Variants in CAMSAP2 observed in about 807,000 individuals in gnomAD.
CAMSAP2 encodes the protein calmodulin regulated spectrin associated protein family member 2.
Under a neutral mutation model 146.1 loss-of-function variants are expected in CAMSAP2, and 26 were observed. The ratio of observed to expected loss-of-function variants is 0.18; its 90% CI spans 0.13 to 0.25. CAMSAP2 has a LOEUF of 0.25. CAMSAP2 is among the 10% of genes least tolerant of loss of function. The probability of loss-of-function intolerance (pLI) is 1.00; values close to 1 mark genes in which losing one functional copy is unlikely to be tolerated. For synonymous variants in CAMSAP2, 499 were observed against 596.6 expected (o/e 0.84, Z 2.38); for missense variants, 1,381 against 1,759.3 (o/e 0.78, Z 3.85).
intron 1 of CAMSAP2, among the ~76,000 whole-genome samples, chr1:200,756,726 A>G (rs908046786): frequency 1.3e-5 from 2 of 152,210 alleles, no homozygotes; most frequent in Non-Finnish European, 2.9e-5. Flanking sequence ...CAGGTAGTAA[A>G]CTTGAGGGGG....
chr1:200,824,544 C>G (rs1429799955), intron 4 of CAMSAP2, among the ~76,000 whole-genome samples: 3 of 152,190 alleles, frequency 2.0e-5, no homozygotes, highest in Admixed American at 2.0e-4. Flanking sequence ...TTCTTCCTGG[C>G]TTCCCCTATT....
In CAMSAP2 at chr1:200,856,705, C is replaced by T. The variant is rs546993237; in HGVS notation, c.4012+580C>T. Among the ~76,000 whole-genome samples the T allele has an allele frequency of 3.3e-5, 5 of 152,170 alleles. No homozygotes were observed. The East Asian group carries it at 9.7e-4, about 29-fold the overall frequency. ...GGTAAGATAGGAAGGCATGGGAGAA[C>T]ATGTATGGGGAAGAGCAGAGGGAAA... On this transcript the variant is annotated intron_variant, in intron 15 of 16. Coordinates refer to ENST00000358823, the MANE Select transcript of CAMSAP2 (RefSeq NM_203459.4).
chr1:200,758,572 G>A (rs1205253717), intron 1 of CAMSAP2, among the ~76,000 whole-genome samples: 1 of 152,184 alleles, frequency 6.6e-6, no homozygotes, highest in Non-Finnish European at 1.5e-5. Flanking sequence ...ATTTTTAGAT[G>A]TCACCAAAAT....
At chr1:200,752,775 C>G (rs1475378715) in intron 1 of CAMSAP2, among the ~76,000 whole-genome samples, 5 of 152,026 alleles carry the variant, frequency 3.3e-5, no homozygotes, top group Non-Finnish European at 7.4e-5. Context: ...CGCCACCACG[C>G]ACGGCTAATT....
intron 2 of CAMSAP2, among the ~76,000 whole-genome samples, chr1:200,776,650 G>A (rs183765592): frequency 9.4e-4 from 143 of 152,226 alleles, no homozygotes; most frequent in African/African-American, 3.3e-3. Flanking sequence ...CTTGAACCTG[G>A]GAGGTGGAGG....
At chr1:200,760,803 A>G (rs755554779) in intron 1 of CAMSAP2, 36 bp from the exon 2 acceptor site, 1 of 1,454,946 alleles carries the variant, frequency 6.9e-7, no homozygotes, top group African/African-American at 1.4e-5. Flanking sequence ...TTTTATAAAA[A>G]TCTTGTAAGA....
rs560383427 is a variant in CAMSAP2, at chr1:200,784,586, T to C, written c.400-22790T>C. Among the ~76,000 whole-genome samples the C allele has an allele frequency of 8.5e-4, 130 of 152,328 alleles. 1 individual carries two copies. In the South Asian group the frequency reaches 0.011, roughly 13 times the overall value. ...GCTAATATATAGAAATACAATTGAA[T>C]TTTGAACATTTTTTTTATCCTGTGA... is the stretch of plus-strand genomic sequence containing the variant. On this transcript the variant is annotated intron_variant, in intron 2 of 16. Coordinates refer to ENST00000358823, the MANE Select transcript of CAMSAP2 (RefSeq NM_203459.4).
At chr1:200,806,765 GTATCTA>G (rs1332177122) in intron 2 of CAMSAP2, among the ~76,000 whole-genome samples, 2,022 of 140,188 alleles carry the variant, frequency 0.014, 35 homozygotes, top group East Asian at 0.052. Context: ...GTGTGTGTGT[GTATCTA>G]TCTATCTATC....
rs1246489086 is a variant in CAMSAP2 at position 200,848,196 on chromosome 1, C to A, written c.1427C>A (p.Pro476Gln). The stretch of plus-strand genomic sequence containing the variant: ...ATTAGGAAAAATTTGTCCTTCAAGC[C>A]AATAAATGGAGAAGAGGAAGCAGAG... The part of the protein sequence containing the change: ...KHIRKNLSFK[P>Q]INGEEEAESI... Residue 476 changes from proline to glutamine, a missense_variant, in exon 11 of 17, where the codon CCA becomes CAA. By Grantham distance (76) the Pro-to-Gln change is moderately conservative. Transcript: ENST00000358823. 1 of 1,613,726 alleles carries A rather than the reference C, an allele frequency of 6.2e-7. No individual in the cohort carries two copies. The highest frequency in any genetic ancestry group is 2.2e-5 in the East Asian group (1 of 44,848).
At chr1:200,795,524 T>G (rs2103035572) in intron 2 of CAMSAP2, among the ~76,000 whole-genome samples, 1 of 152,328 alleles carries the variant, frequency 6.6e-6, no homozygotes, top group South Asian at 2.1e-4. Flanking sequence ...ACAGCCACAT[T>G]TAAATGCCCT....
chr1:200,844,017 G>A (rs188707771), intron 7 of CAMSAP2, among the ~76,000 whole-genome samples: 5,449 of 151,732 alleles, frequency 0.036, 134 homozygotes, highest in Middle Eastern at 0.058. Context: ...GACAACAGGC[G>A]CCTGCCACCA....
chr1:200,766,110 C>G (rs1006481408), intron 2 of CAMSAP2, among the ~76,000 whole-genome samples: 2 of 150,564 alleles, frequency 1.3e-5, no homozygotes, highest in African/African-American at 2.4e-5. Context: ...CAGATTTTAT[C>G]TATTGTTTAT....
chr1:200,776,825 GA>G (rs1665294395), intron 2 of CAMSAP2, among the ~76,000 whole-genome samples: 2 of 151,956 alleles, frequency 1.3e-5, no homozygotes, highest in Admixed American at 6.6e-5. Flanking sequence ...TAATGCTTCT[GA>G]AAAAAAGTAA....
rs565425260 is a variant in CAMSAP2 at position 200,838,803 on chromosome 1, A to C, written c.928-3191A>C. Among the ~76,000 whole-genome samples, 26 of 152,342 alleles carry C rather than the reference A, an allele frequency of 1.7e-4. 1 individual carries two copies. The highest frequency in any genetic ancestry group is 6.3e-4 in the African/African-American group (26 of 41,576). On this transcript the variant is annotated intron_variant, in intron 6 of 16. Transcript: ENST00000358823. Reference sequence around the variant, plus strand: ...AAAGCTATTGTGTTCCAAACAAGGCAAAAATGTTTGAATCAGAGCAGTTAT... The same window carrying C: ...AAAGCTATTGTGTTCCAAACAAGGCCAAAATGTTTGAATCAGAGCAGTTAT...
At chr1:200,771,688 A>G (rs771731933) in intron 2 of CAMSAP2, among the ~76,000 whole-genome samples, 63 of 152,132 alleles carry the variant, frequency 4.1e-4, no homozygotes, top group Non-Finnish European at 7.4e-4. Flanking sequence ...CAGATGTAAG[A>G]TGGGCTGACT....
Position 200,859,872 on chromosome 1 carries a change from T to C in CAMSAP2, c.*1813T>C, listed in dbSNP as rs1487256789. The stretch of plus-strand genomic sequence containing the variant: ...AAATTATAAATGAATCTAATCAAAA[T>C]GTGAATAGTAGTCAAAAGGATAATT... On this transcript the variant is annotated 3_prime_UTR_variant, in exon 17 of 17. Transcript: ENST00000358823. 1 of 152,256 alleles carries C rather than the reference T, an allele frequency of 6.6e-6. No homozygotes were observed. Among genetic ancestry groups the C allele is most frequent in the South Asian group, 2.1e-4 (1 of 4,834 alleles). The allele number at this position is 152,256 out of a possible 1,614,324, so 9.4% of individuals were successfully genotyped here.
At chr1:200,795,779 C>T (rs1665869020) in intron 2 of CAMSAP2, among the ~76,000 whole-genome samples, 1 of 152,176 alleles carries the variant, frequency 6.6e-6, no homozygotes, top group Non-Finnish European at 1.5e-5. Flanking sequence ...AGATACTCAT[C>T]TACTTGTATA....
At position 200,853,219 on chromosome 1, in the gene CAMSAP2, C is replaced by G. The variant is rs1667668076; in HGVS notation, c.3603-56C>G. 3 of 1,426,748 alleles carry G rather than the reference C, an allele frequency of 2.1e-6. No homozygotes were observed. The allele number at this position is 1,426,748 out of a possible 1,614,324, so 88.4% of individuals were successfully genotyped here. Reference sequence around the variant, plus strand: ...CTCATATCAAATACATAACTCTCTCCTGTATGGTTTGTCTTTGGTATGCAG... The same window carrying G: ...CTCATATCAAATACATAACTCTCTCGTGTATGGTTTGTCTTTGGTATGCAG... On this transcript the variant is annotated intron_variant, in intron 12 of 16. Transcript: ENST00000358823. This position sits in a 1 kb window ranked among gnomAD's most constrained non-coding sequence, Gnocchi z 5.1.
chr1:200,773,526 G>A (rs1665176197), intron 2 of CAMSAP2, among the ~76,000 whole-genome samples: 1 of 152,020 alleles, frequency 6.6e-6, no homozygotes, highest in Admixed American at 6.6e-5. Flanking sequence ...CAAAGTGCTG[G>A]GACTACAGGT....
Sources: gnomAD v4.1 joint callset for allele counts (sites outside exome capture counted in the v4.1 genomes callset) on GRCh38, gnomAD v4.1.1 for gene constraint, Gnocchi (gnomAD v3.1) non-coding constraint, MANE v1.5 for transcripts, NCBI Gene and HGNC (gene_info 2026-07-23, HGNC 2026-07-21) for gene names.